The following SCHIP1 variants were observed in gnomAD, a reference collection of about 807,000 sequenced individuals.
SCHIP1 encodes the protein schwannomin interacting protein 1.
A neutral mutation model predicts 29.7 loss-of-function variants in SCHIP1; 8 were observed. The ratio of observed to expected loss-of-function variants is 0.27; its 90% CI spans 0.16 to 0.49. SCHIP1 has a LOEUF of 0.49. Ranked by LOEUF, SCHIP1 falls within the 20% of genes least tolerant of loss-of-function variation. The pLI is 0.99. For synonymous variants in SCHIP1, 76 were observed against 94.9 expected, an observed-to-expected ratio of 0.80 and a Z score of 1.16; for missense variants, 193 against 294.6, an observed-to-expected ratio of 0.66 and a Z score of 2.52.
the SCHIP1 span, chr3:159,309,068 C>T: frequency 6.5e-6 from 1 of 153,796 alleles, no homozygotes; most frequent in African/African-American, 2.4e-5. Context: ...ATGCTCACTA[C>T]TAGGGTGATG....
At chr3:159,347,517 A>G in the SCHIP1 span, among the ~76,000 whole-genome samples, 3 of 152,314 alleles carry the variant, frequency 2.0e-5, no homozygotes, top group Non-Finnish European at 2.9e-5. Context: ...ATATTTTGTA[A>G]TGGTCAGAAT....
chr3:159,423,815 G>C, the SCHIP1 span, among the ~76,000 whole-genome samples: 1 of 152,106 alleles, frequency 6.6e-6, no homozygotes. Flanking sequence ...CCCCCCAGTA[G>C]GGACAGACTG....
chr3:159,488,761 T>A, the SCHIP1 span, among the ~76,000 whole-genome samples: 13 of 152,292 alleles, frequency 8.5e-5, no homozygotes, highest in Middle Eastern at 3.4e-3. Flanking sequence ...AACTGTGCAA[T>A]GTCATAGGAA....
the SCHIP1 span, among the ~76,000 whole-genome samples, chr3:159,488,833 A>C: frequency 2.0e-5 from 3 of 152,226 alleles, no homozygotes; most frequent in African/African-American, 7.2e-5. Flanking sequence ...CATCTGCTTC[A>C]GATTTATTTT....
the SCHIP1 span, among the ~76,000 whole-genome samples, chr3:159,386,176 A>T: frequency 2.0e-5 from 3 of 152,192 alleles, no homozygotes; most frequent in Non-Finnish European, 2.9e-5. Flanking sequence ...GTGTCTTTAT[A>T]GTAGCATGAT....
the SCHIP1 span, among the ~76,000 whole-genome samples, chr3:159,674,702 G>A: frequency 6.6e-6 from 1 of 151,166 alleles, no homozygotes; most frequent in Non-Finnish European, 1.5e-5. Context: ...ATATAAGCAA[G>A]GCCACTGCTC....
the SCHIP1 span, among the ~76,000 whole-genome samples, chr3:159,452,110 G>C: frequency 6.7e-6 from 1 of 149,570 alleles, no homozygotes; most frequent in African/African-American, 2.4e-5. Context: ...ACAATAAAAA[G>C]CCAAAAAAGG....
At chr3:159,495,834 G>C in the SCHIP1 span, among the ~76,000 whole-genome samples, 3 of 152,044 alleles carry the variant, frequency 2.0e-5, no homozygotes, top group Non-Finnish European at 4.4e-5. Context: ...GGAGGCATCA[G>C]GCTACCTGAC....
chr3:159,801,504 C>G, the SCHIP1 span, among the ~76,000 whole-genome samples: 1 of 152,068 alleles, frequency 6.6e-6, no homozygotes, highest in East Asian at 1.9e-4. Context: ...GAGAGAAAAC[C>G]AGTCTATTCT....
the SCHIP1 span, among the ~76,000 whole-genome samples, chr3:159,812,104 G>A: frequency 6.6e-5 from 10 of 151,692 alleles, no homozygotes; most frequent in African/African-American, 9.7e-5. Context: ...CTGAGTAGCT[G>A]GGATTACAGA....
At chr3:159,566,139 G>C in the SCHIP1 span, among the ~76,000 whole-genome samples, 2 of 152,084 alleles carry the variant, frequency 1.3e-5, no homozygotes, top group East Asian at 3.9e-4. Context: ...ATTTATACAA[G>C]TCAGAGACAG....
the SCHIP1 span, among the ~76,000 whole-genome samples, chr3:159,530,788 G>T: frequency 1.7e-4 from 26 of 152,152 alleles, no homozygotes; most frequent in Non-Finnish European, 2.9e-5. Flanking sequence ...AGGCCTTATT[G>T]TCTCTGTCCC....
In SCHIP1 at chr3:159,843,009, T is replaced by C. The variant is rs1480098315; in HGVS notation, c.30+2795T>C. Among the ~76,000 whole-genome samples, 121 of 52,110 alleles carry C rather than the reference T, an allele frequency of 2.3e-3. 4 individuals are homozygous for C. The highest frequency in any genetic ancestry group is 0.017 in the African/African-American group (119 of 6,974). 34.2% of individuals were successfully genotyped at this position (52,110 alleles called of 152,430 possible). A position where few individuals can be genotyped will look rare whatever the true frequency, so the allele number is the denominator to read the frequency against. On this transcript the variant is annotated intron_variant, in intron 1 of 6. Coordinates refer to ENST00000445224, the Ensembl canonical transcript of SCHIP1. ...TATCCCAATATTTCTTTCTTTTTTT[T>C]TTTTTTTTTTTTTTTTTTTTGAGAT...
At chr3:159,544,373 C>T in the SCHIP1 span, among the ~76,000 whole-genome samples, 53 of 151,926 alleles carry the variant, frequency 3.5e-4, no homozygotes, top group African/African-American at 1.2e-3. Flanking sequence ...GGACATATAC[C>T]TAGGAGTGGA....
the SCHIP1 span, among the ~76,000 whole-genome samples, chr3:159,643,481 G>A: frequency 4.6e-5 from 7 of 151,998 alleles, no homozygotes; most frequent in Non-Finnish European, 8.8e-5. Context: ...TACTCACATG[G>A]CACAATCAGA....
chr3:159,277,452 G>C, the SCHIP1 span, among the ~76,000 whole-genome samples: 1 of 151,648 alleles, frequency 6.6e-6, no homozygotes, highest in African/African-American at 2.4e-5. Context: ...AGTATGGCTT[G>C]GAAGAATTTT....
the SCHIP1 span, among the ~76,000 whole-genome samples, chr3:159,663,263 C>T: frequency 1.3e-5 from 2 of 152,174 alleles, no homozygotes; most frequent in Admixed American, 6.5e-5. Flanking sequence ...AGGTCTGAGG[C>T]AGGACTTTGA....
the SCHIP1 span, among the ~76,000 whole-genome samples, chr3:159,402,878 A>C: frequency 9.2e-5 from 14 of 152,190 alleles, no homozygotes; most frequent in African/African-American, 3.4e-4. Context: ...ACATGTATAC[A>C]TATGTAACAA....
chr3:159,822,098 G>A, the SCHIP1 span, among the ~76,000 whole-genome samples: 1 of 152,230 alleles, frequency 6.6e-6, no homozygotes, highest in Non-Finnish European at 1.5e-5. Context: ...TTTGTTGACT[G>A]TGGGTAACTG....
Sources: allele counts gnomAD v4.1 joint callset (sites outside exome capture counted in the v4.1 genomes callset), GRCh38; gene constraint gnomAD v4.1.1; transcripts MANE v1.5; gene names NCBI Gene and HGNC (gene_info 2026-07-23, HGNC 2026-07-21).